The following LINC00305 variants were observed in gnomAD, a reference collection of about 807,000 sequenced individuals.
The protein encoded by LINC00305 is long intergenic non-protein coding RNA 305.
intron 1 of LINC00305, among the ~76,000 whole-genome samples, chr18:64,118,738 T>G (rs1032340311): frequency 6.6e-6 from 1 of 152,112 alleles, no homozygotes; most frequent in African/African-American, 2.4e-5. Context: ...ATACTTATTA[T>G]CTATGCATCA....
chr18:64,096,460 A>G (rs2051245506), intron 3 of LINC00305, among the ~76,000 whole-genome samples: 1 of 151,904 alleles, frequency 6.6e-6, no homozygotes, highest in Non-Finnish European at 1.5e-5. Flanking sequence ...TAGAGAAATC[A>G]ATAAATGAAA....
At chr18:64,148,117 G>A (rs535626635) in intron 1 of LINC00305, among the ~76,000 whole-genome samples, 2 of 152,078 alleles carry the variant, frequency 1.3e-5, no homozygotes, top group South Asian at 4.2e-4. Context: ...AAGTAAGAAA[G>A]AAGCTTCCTA....
At chr18:64,146,766 C>T (rs562178748) in intron 1 of LINC00305, among the ~76,000 whole-genome samples, 1 of 152,130 alleles carries the variant, frequency 6.6e-6, no homozygotes, top group Non-Finnish European at 1.5e-5. Context: ...TTAACACATG[C>T]TGTGGGGGAC....
At chr18:64,113,582 G>C (rs1176314118) in intron 1 of LINC00305, among the ~76,000 whole-genome samples, 2 of 152,202 alleles carry the variant, frequency 1.3e-5, no homozygotes, top group Non-Finnish European at 2.9e-5. Flanking sequence ...CACTGCCCAT[G>C]AGAGTGAGGA....
chr18:64,091,181 A>G (rs1394345590), intron 3 of LINC00305, among the ~76,000 whole-genome samples: 1 of 152,228 alleles, frequency 6.6e-6, no homozygotes, highest in Non-Finnish European at 1.5e-5. Flanking sequence ...CTGGATTGAA[A>G]GCAAGTTCTG....
intron 1 of LINC00305, among the ~76,000 whole-genome samples, chr18:64,142,621 G>A (rs948940564): frequency 1.2e-4 from 18 of 152,286 alleles, no homozygotes; most frequent in African/African-American, 4.1e-4. Flanking sequence ...CCCTCATGGA[G>A]CATGATACAC....
chr18:64,082,916 A>C (rs1170477359), intron 3 of LINC00305, among the ~76,000 whole-genome samples: 2 of 152,120 alleles, frequency 1.3e-5, no homozygotes, highest in East Asian at 1.9e-4. Flanking sequence ...AATATTTGAA[A>C]AAAATTCCAT....
chr18:64,093,784 G>T (rs1183282955), intron 3 of LINC00305, among the ~76,000 whole-genome samples: 1 of 152,192 alleles, frequency 6.6e-6, no homozygotes, highest in African/African-American at 2.4e-5. Context: ...TAGAGCATAT[G>T]TTGACCTTGA....
intron 1 of LINC00305, among the ~76,000 whole-genome samples, chr18:64,110,969 A>G (rs1326218487): frequency 6.6e-6 from 1 of 152,178 alleles, no homozygotes. Context: ...GTGTTTTTCT[A>G]CATCCTGATT....
intron 3 of LINC00305, among the ~76,000 whole-genome samples, chr18:64,094,427 C>G (rs1422157352): frequency 6.6e-6 from 1 of 152,140 alleles, no homozygotes; most frequent in Non-Finnish European, 1.5e-5. Context: ...GCACAACACC[C>G]TCAGAAGCAC....
chr18:64,083,557 T>G (rs2051192646), intron 3 of LINC00305, among the ~76,000 whole-genome samples: 1 of 152,176 alleles, frequency 6.6e-6, no homozygotes, highest in African/African-American at 2.4e-5. Context: ...ACCAGAAACT[T>G]TATGTACTAG....
At chr18:64,087,263 A>C (rs1347072996) in intron 3 of LINC00305, among the ~76,000 whole-genome samples, 1 of 152,188 alleles carries the variant, frequency 6.6e-6, no homozygotes, top group Non-Finnish European at 1.5e-5. Flanking sequence ...AAGAGCTAAA[A>C]AATGGGGTTT....
chr18:64,109,526 T>G lies in LINC00305; in HGVS notation n.315-10886A>C, dbSNP rs186768553. 9.1e-4 allele frequency among the ~76,000 whole-genome samples: 139 copies of G among 152,368 alleles called. 1 individual carries two copies. Among genetic ancestry groups the G allele is most frequent in the African/African-American group, 3.3e-3 (138 of 41,582 alleles). ...CACTTCTAATTTACTTATTTACATA[T>G]TGAGCCATTTATTCATTGTCATCAT... On this transcript the variant is annotated intron_variant and non_coding_transcript_variant, in intron 1 of 3. Transcript: ENST00000666468.
chr18:64,128,685 T>C (rs1021774506), intron 1 of LINC00305, among the ~76,000 whole-genome samples: 1 of 152,160 alleles, frequency 6.6e-6, no homozygotes, highest in African/African-American at 2.4e-5. Flanking sequence ...TGTATGGGCA[T>C]GGCCATACCA....
chr18:64,142,090 C>T (rs894618753), intron 1 of LINC00305, among the ~76,000 whole-genome samples: 2 of 152,094 alleles, frequency 1.3e-5, no homozygotes, highest in Non-Finnish European at 2.9e-5. Context: ...GCAGCTCAGA[C>T]GCTGCTGTCT....
intron 1 of LINC00305, among the ~76,000 whole-genome samples, chr18:64,135,245 A>G (rs1251679310): frequency 6.6e-6 from 1 of 152,176 alleles, no homozygotes; most frequent in African/African-American, 2.4e-5. Context: ...TCATTTTAAT[A>G]TGAACAGCTT....
At chr18:64,109,485 G>C (rs951108887) in intron 1 of LINC00305, among the ~76,000 whole-genome samples, 1 of 152,182 alleles carries the variant, frequency 6.6e-6, no homozygotes, top group African/African-American at 2.4e-5. Context: ...GTGAATACTT[G>C]AGTAATTAAA....
chr18:64,080,942 A>C (rs953242745), intron 3 of LINC00305, among the ~76,000 whole-genome samples: 1 of 152,232 alleles, frequency 6.6e-6, no homozygotes, highest in Admixed American at 6.5e-5. Context: ...TTTTTTAAAA[A>C]CAACAGTATC....
At chr18:64,138,088 C>T (rs1190543436) in intron 1 of LINC00305, among the ~76,000 whole-genome samples, 7 of 152,104 alleles carry the variant, frequency 4.6e-5, no homozygotes, top group Non-Finnish European at 8.8e-5. Flanking sequence ...GTTTGCAGAT[C>T]AGCAGATCAA....
Sources: gnomAD v4.1 joint callset for allele counts (sites outside exome capture counted in the v4.1 genomes callset) on GRCh38, gnomAD v4.1.1 for gene constraint, MANE v1.5 for transcripts, NCBI Gene and HGNC (gene_info 2026-07-23, HGNC 2026-07-21) for gene names.